The following PCDHA2 variants were observed in gnomAD, a reference collection of about 807,000 sequenced individuals.
The protein encoded by PCDHA2 is protocadherin alpha-2.
In PCDHA2, 58 loss-of-function variants were observed where a neutral mutation model predicts 66.0. The ratio of observed to expected loss-of-function variants is 0.88; its 90% CI spans 0.71 to 1.09. The LOEUF (loss-of-function observed/expected upper bound fraction) is 1.09. PCDHA2 is among the 50% of genes least tolerant of loss of function. The probability of loss-of-function intolerance (pLI) is 0.00; values close to 1 mark genes in which losing one functional copy is unlikely to be tolerated. For missense variants in PCDHA2, 1,267 were observed against 1,242.3 expected (o/e 1.02, Z -0.30); for synonymous variants, 634 against 554.0 (o/e 1.14, Z -2.03).
chr5:140,934,995 T>G (rs1443676222), intron 1 of PCDHA2, among the ~76,000 whole-genome samples: 1 of 152,172 alleles, frequency 6.6e-6, no homozygotes, highest in East Asian at 1.9e-4. Context: ...ACACCCTGAA[T>G]CCTTTTCATG....
intron 1 of PCDHA2, chr5:140,801,819 C>T (rs782046235): frequency 1.1e-5 from 17 of 1,614,088 alleles, no homozygotes; most frequent in Admixed American, 1.7e-5. Context: ...CACTCCTAAG[C>T]ATTATTTACT....
intron 1 of PCDHA2, chr5:140,824,044 G>T: frequency 6.2e-7 from 1 of 1,614,184 alleles, no homozygotes; most frequent in Middle Eastern, 1.6e-4. Flanking sequence ...GAGACAGAGG[G>T]TGTGCTCTGG....
intron 1 of PCDHA2, chr5:140,869,696 A>T: frequency 6.2e-7 from 1 of 1,613,472 alleles, no homozygotes; most frequent in Non-Finnish European, 8.5e-7. Context: ...ATTTTAAAGA[A>T]GTCTCTGGAT....
In PCDHA2 at chr5:141,011,807, A is replaced by G. The variant is rs940017317; in HGVS notation, c.*1870A>G. ...CTAATGGTATCTGAAATATCAGCTC[A>G]TAGAAAGTAACAAAATTTGCTGTCA... On this transcript the variant is annotated 3_prime_UTR_variant, in exon 4 of 4. Coordinates refer to ENST00000526136, the MANE Select transcript of PCDHA2 (RefSeq NM_018905.3). The G allele has an allele frequency of 1.3e-5, 2 of 153,798 alleles. No individual in the cohort carries two copies. Among genetic ancestry groups the G allele is most frequent in the African/African-American group, 4.8e-5 (2 of 41,468 alleles). The allele number at this position is 153,798 out of a possible 1,614,324, so 9.5% of individuals were successfully genotyped here.
At chr5:140,882,481 C>A in intron 1 of PCDHA2, 1 of 1,614,038 alleles carries the variant, frequency 6.2e-7, no homozygotes, top group Non-Finnish European at 8.5e-7. Flanking sequence ...CCAAAAGACA[C>A]GGGGACCTTC....
intron 1 of PCDHA2, chr5:140,835,978 A>G (rs1490395920): frequency 6.2e-7 from 1 of 1,613,260 alleles, no homozygotes; most frequent in African/African-American, 1.3e-5. Context: ...GAGCTGTTGC[A>G]GTTCCAGGTG....
At chr5:140,928,160 C>G (rs782224079) in intron 1 of PCDHA2, 1 of 1,614,096 alleles carries the variant, frequency 6.2e-7, no homozygotes, top group Non-Finnish European at 8.5e-7. Flanking sequence ...AGTGGCTCAC[C>G]CCCACTTAGC....
At chr5:140,878,399 A>T (rs1246599611) in intron 1 of PCDHA2, among the ~76,000 whole-genome samples, 2 of 152,238 alleles carry the variant, frequency 1.3e-5, no homozygotes, top group East Asian at 3.8e-4. Flanking sequence ...TTGCTCACAA[A>T]ATATCTTCTT....
chr5:140,895,733 G>C (rs1554186620), intron 1 of PCDHA2, among the ~76,000 whole-genome samples: 1 of 152,030 alleles, frequency 6.6e-6, no homozygotes, highest in Non-Finnish European at 1.5e-5. Context: ...CCATTCAATG[G>C]GCTGCAAAGG....
chr5:140,963,117 AAG>A (rs1292385306), intron 1 of PCDHA2, among the ~76,000 whole-genome samples: 1 of 152,182 alleles, frequency 6.6e-6, no homozygotes, highest in African/African-American at 2.4e-5. Flanking sequence ...CTTATAATTA[AAG>A]AGATAATATT....
chr5:140,940,988 T>G (rs2092713422), intron 1 of PCDHA2, among the ~76,000 whole-genome samples: 1 of 152,206 alleles, frequency 6.6e-6, no homozygotes, highest in African/African-American at 2.4e-5. Flanking sequence ...AGTTACAAGT[T>G]TATAGGATTA....
chr5:140,997,866 TG>T (rs1554256038), intron 3 of PCDHA2, among the ~76,000 whole-genome samples: 1 of 152,216 alleles, frequency 6.6e-6, no homozygotes, highest in African/African-American at 2.4e-5. Context: ...TTCTTATGCA[TG>T]CTTGCTAGTA....
At chr5:140,878,103 G>A (rs2153358436) in intron 1 of PCDHA2, 1 of 261,846 alleles carries the variant, frequency 3.8e-6, no homozygotes, top group East Asian at 7.9e-5. Context: ...GATGAACCTT[G>A]AAAAAAACAG....
At chr5:140,976,143 A>G (rs2096703250) in intron 1 of PCDHA2, among the ~76,000 whole-genome samples, 1 of 152,236 alleles carries the variant, frequency 6.6e-6, no homozygotes, top group South Asian at 2.1e-4. Flanking sequence ...GATGAAACTC[A>G]TGTACATTTT....
chr5:140,927,317 G>T (rs782172424), intron 1 of PCDHA2: 3 of 1,614,146 alleles, frequency 1.9e-6, no homozygotes, highest in Admixed American at 1.7e-5. Flanking sequence ...CCCGGAGCCC[G>T]CTTTACTCTC....
At chr5:140,857,471 A>T (rs2044616338) in intron 1 of PCDHA2, 1 of 1,598,536 alleles carries the variant, frequency 6.3e-7, no homozygotes, top group Non-Finnish European at 8.6e-7. Context: ...CCACATCTTC[A>T]CGGTGTCTGC....
At chr5:140,947,998 T>C (rs2094201986) in intron 1 of PCDHA2, among the ~76,000 whole-genome samples, 1 of 122,112 alleles carries the variant, frequency 8.2e-6, no homozygotes, top group Admixed American at 8.2e-5. Flanking sequence ...AAATACTTTA[T>C]TAAATTTAGG....
chr5:141,008,530 A>G (rs1176119695), intron 3 of PCDHA2, among the ~76,000 whole-genome samples: 2 of 152,128 alleles, frequency 1.3e-5, no homozygotes, highest in African/African-American at 4.8e-5. Context: ...ACTCTTGGGA[A>G]TGTCTTTTAT....
At chr5:140,954,015 C>T (rs1322183660) in intron 1 of PCDHA2, among the ~76,000 whole-genome samples, 4 of 152,136 alleles carry the variant, frequency 2.6e-5, no homozygotes, top group African/African-American at 7.2e-5. Context: ...AGCTCCCACA[C>T]ATAGTGGGAC....
Sources: gnomAD v4.1 joint callset for allele counts (sites outside exome capture counted in the v4.1 genomes callset) on GRCh38, gnomAD v4.1.1 for gene constraint, MANE v1.5 for transcripts, NCBI Gene and HGNC (gene_info 2026-07-23, HGNC 2026-07-21) for gene names.